The following CALD1 variants were observed in gnomAD, a reference collection of about 807,000 sequenced individuals.
CALD1 encodes caldesmon 1.
A neutral mutation model predicts 99.9 loss-of-function variants in CALD1; 33 were observed. That is an observed-to-expected ratio of 0.33 (90% CI 0.25 to 0.44). The LOEUF (loss-of-function observed/expected upper bound fraction) is 0.44, where lower values mean the gene tolerates loss of function less well. Among genes scored for constraint, CALD1 ranks in the 20% least tolerant of loss-of-function variants. The pLI is 1.00. For missense variants in CALD1, 861 were observed against 962.1 expected, an observed-to-expected ratio of 0.89 and a Z score of 1.39; for synonymous variants, 310 against 325.0, an observed-to-expected ratio of 0.95 and a Z score of 0.50.
chr7:134,889,088 G>A (rs1802019508), intron 3 of CALD1, among the ~76,000 whole-genome samples: 1 of 152,242 alleles, frequency 6.6e-6, no homozygotes, highest in Non-Finnish European at 1.5e-5. Context: ...ATCAGGAGGT[G>A]ATAGCTTTCT....
rs1807635836 is a variant in CALD1, at chr7:134,954,771, A to G, written c.1936-3298A>G. ...CTCCCACCACACTGAATTTTTCTTT[A>G]TCCCCAGTCTCACCACGCTGCGTGC... On this transcript the variant is annotated intron_variant, in intron 9 of 14. Coordinates refer to ENST00000361675, the MANE Select transcript of CALD1 (RefSeq NM_033138.4). Among the ~76,000 whole-genome samples, 2 of 152,156 alleles carry G rather than the reference A, an allele frequency of 1.3e-5. 1 individual carries two copies. Among genetic ancestry groups the G allele is most frequent in the East Asian group, 3.9e-4 (2 of 5,188 alleles).
chr7:134,819,008 G>A lies in CALD1; in HGVS notation c.-129-24876G>A, dbSNP rs544020561. 3.0e-4 allele frequency among the ~76,000 whole-genome samples: 46 copies of A among 152,254 alleles called. No individual in the cohort carries two copies. The South Asian group carries it at 7.3e-3, about 24-fold the overall frequency. On this transcript the variant is annotated intron_variant, in intron 1 of 14. Transcript: ENST00000361675. ...TCACAGGAAAATCCAAATTGGCCAC[G>A]CTAAACCAGATCCAAAATCCCAGAC...
intron 3 of CALD1, among the ~76,000 whole-genome samples, chr7:134,914,626 G>A (rs1483325871): frequency 2.0e-5 from 3 of 152,160 alleles, no homozygotes; most frequent in Non-Finnish European, 4.4e-5. Context: ...TGCCCTTCAT[G>A]CCTTCCAAGC....
At chr7:134,840,310 G>T (rs1438683339) in intron 1 of CALD1, among the ~76,000 whole-genome samples, 2 of 152,136 alleles carry the variant, frequency 1.3e-5, no homozygotes, top group African/African-American at 2.4e-5. Context: ...GACAGGGGTT[G>T]TCTTACCTTC....
chr7:134,962,900 G>A lies in CALD1; in HGVS notation c.2295+2272G>A, dbSNP rs752180374. On this transcript the variant is annotated intron_variant, in intron 13 of 14. Coordinates refer to ENST00000361675, the MANE Select transcript of CALD1 (RefSeq NM_033138.4). ...TGCCTTCATTTCTCCCTCTTCTTCC[G>A]GAGTGGGTCTTTCTCTAAAATGTAG... The A allele has an allele frequency of 1.4e-4, 66 of 456,342 alleles. 1 individual carries two copies. Among genetic ancestry groups the A allele is most frequent in the South Asian group, 8.1e-4 (52 of 64,556 alleles). 28.3% of individuals were successfully genotyped at this position (456,342 alleles called of 1,614,324 possible).
At chr7:134,926,419 C>T (rs1022273255) in intron 3 of CALD1, among the ~76,000 whole-genome samples, 4 of 152,146 alleles carry the variant, frequency 2.6e-5, no homozygotes, top group African/African-American at 9.7e-5. Flanking sequence ...AATAAACCAG[C>T]CCATTTTATA....
intron 3 of CALD1, among the ~76,000 whole-genome samples, chr7:134,886,917 C>A (rs1279132553): frequency 6.6e-6 from 1 of 152,196 alleles, no homozygotes; most frequent in African/African-American, 2.4e-5. Flanking sequence ...TCCCCCACAG[C>A]ACTTAGTGCA....
At chr7:134,754,191 G>C (rs994236628) in intron 1 of CALD1, among the ~76,000 whole-genome samples, 2 of 152,186 alleles carry the variant, frequency 1.3e-5, no homozygotes, top group African/African-American at 4.8e-5. Context: ...AGGTGACTAG[G>C]GGGTAGGTTC....
intron 8 of CALD1, among the ~76,000 whole-genome samples, chr7:134,949,176 C>T (rs1807142603): frequency 6.6e-6 from 1 of 152,082 alleles, no homozygotes; most frequent in East Asian, 1.9e-4. Context: ...GATTATTATT[C>T]AGAGGAGGAG....
At chr7:134,853,954 C>A (rs1390271786) in intron 2 of CALD1, among the ~76,000 whole-genome samples, 1 of 142,132 alleles carries the variant, frequency 7.0e-6, no homozygotes, top group Non-Finnish European at 1.5e-5. Flanking sequence ...TGAGTGAGAA[C>A]ATGCGGTGTT....
chr7:134,944,710 C>T (rs1343732573), intron 7 of CALD1, among the ~76,000 whole-genome samples: 1 of 152,068 alleles, frequency 6.6e-6, no homozygotes, highest in African/African-American at 2.4e-5. Flanking sequence ...AGGATATCTA[C>T]GTTGACATCT....
At chr7:134,757,804 G>C (rs1217242076) in intron 1 of CALD1, among the ~76,000 whole-genome samples, 1 of 151,928 alleles carries the variant, frequency 6.6e-6, no homozygotes, top group African/African-American at 2.4e-5. Flanking sequence ...GCTTGAACCC[G>C]GGAGGCAGAG....
chr7:134,861,392 T>C (rs1800557754), intron 2 of CALD1, among the ~76,000 whole-genome samples: 2 of 152,192 alleles, frequency 1.3e-5, no homozygotes, highest in Non-Finnish European at 2.9e-5. Flanking sequence ...ACCTGTAGGA[T>C]GAAGAGAAAC....
the CALD1 span, among the ~76,000 whole-genome samples, chr7:134,738,940 C>A: frequency 6.6e-6 from 1 of 152,044 alleles, no homozygotes; most frequent in Admixed American, 6.6e-5. Context: ...TGAATTCATT[C>A]TGAAGTTTTG....
At chr7:134,818,317 G>A (rs1221063600) in intron 1 of CALD1, among the ~76,000 whole-genome samples, 1 of 152,136 alleles carries the variant, frequency 6.6e-6, no homozygotes, top group Non-Finnish European at 1.5e-5. Flanking sequence ...AGACTATTTC[G>A]AAGTTTCAAC....
chr7:134,805,721 A>G (rs1226058245), intron 1 of CALD1, among the ~76,000 whole-genome samples: 1 of 152,122 alleles, frequency 6.6e-6, no homozygotes, highest in East Asian at 1.9e-4. Context: ...CTTTCTTCCC[A>G]TGGCAATCTC....
At chr7:134,935,447 G>A (rs1340472546) in intron 5 of CALD1, among the ~76,000 whole-genome samples, 1 of 152,106 alleles carries the variant, frequency 6.6e-6, no homozygotes, top group African/African-American at 2.4e-5. Context: ...GTAAACACAC[G>A]AGGAGTGCCA....
rs144487985 is a variant in CALD1, at chr7:134,945,461, A to G, written c.1533-2047A>G. Among the ~76,000 whole-genome samples, 222 of 152,344 alleles carry G rather than the reference A, an allele frequency of 1.5e-3. No homozygotes were observed. In the Middle Eastern group the frequency reaches 0.037, roughly 26 times the overall value. The stretch of plus-strand genomic sequence containing the variant: ...TTCAGGTATAATTATAGTTACAAGA[A>G]GAGTACAACTAATAGATAAGCATTA... On this transcript the variant is annotated intron_variant, in intron 7 of 14. Transcript: ENST00000361675.
intron 2 of CALD1, among the ~76,000 whole-genome samples, chr7:134,853,031 G>A (rs923014487): frequency 1.4e-4 from 21 of 152,070 alleles, no homozygotes; most frequent in African/African-American, 5.1e-4. Flanking sequence ...TTTTATTGTC[G>A]GAAGTTCACA....
Sources: gnomAD v4.1 joint callset for allele counts (sites outside exome capture counted in the v4.1 genomes callset) on GRCh38, gnomAD v4.1.1 for gene constraint, MANE v1.5 for transcripts, NCBI Gene and HGNC (gene_info 2026-07-23, HGNC 2026-07-21) for gene names.